FBXO4: variants seen among roughly 807,000 people sequenced by gnomAD.
FBXO4 encodes the protein F-box only protein 4.
In FBXO4, 36 loss-of-function variants were observed where a neutral mutation model predicts 43.7. That is an observed-to-expected ratio of 0.82 (90% CI 0.63 to 1.09). The LOEUF (loss-of-function observed/expected upper bound fraction) is 1.09, where lower values mean the gene tolerates loss of function less well. Ranked by LOEUF, FBXO4 falls within the 50% of genes least tolerant of loss-of-function variation. The pLI is 0.00. For missense variants in FBXO4, 435 were observed against 474.1 expected (o/e 0.92, Z 0.77); for synonymous variants, 180 against 165.6 (o/e 1.09, Z -0.67).
At position 41,929,921 on chromosome 5, in the gene FBXO4, A is replaced by T. The variant is rs774255000; in HGVS notation, c.646+4A>T. 2.5e-6 allele frequency: 4 copies of T among 1,595,154 alleles called. No individual in the cohort carries two copies. The African/African-American group carries it at 5.4e-5, about 21-fold the overall frequency. On this transcript the variant is annotated splice_donor_region_variant and intron_variant, in intron 3 of 6. Transcript: ENST00000281623. ...TTGCCTCAGAGGCAGATTGATGGTA[A>T]TTTTCATGTTAATCTACAGTTAATT...
the FBXO4 span, among the ~76,000 whole-genome samples, chr5:41,966,350 T>C: frequency 6.6e-6 from 1 of 152,110 alleles, no homozygotes; most frequent in East Asian, 1.9e-4. Context: ...CCAAAGAAAC[T>C]ATACAGATAT....
the FBXO4 span, among the ~76,000 whole-genome samples, chr5:41,972,165 G>A: frequency 6.6e-6 from 1 of 152,030 alleles, no homozygotes; most frequent in Non-Finnish European, 1.5e-5. Context: ...CTTTACAGAA[G>A]ATATATAATT....
chr5:41,940,906 AT>A (rs1253204143), intron 6 of FBXO4, among the ~76,000 whole-genome samples: 2 of 152,138 alleles, frequency 1.3e-5, no homozygotes, highest in Non-Finnish European at 2.9e-5. Flanking sequence ...CTTTGGAGGA[AT>A]TTTTTCCCCT....
At chr5:41,974,646 C>A in the FBXO4 span, among the ~76,000 whole-genome samples, 2 of 152,034 alleles carry the variant, frequency 1.3e-5, no homozygotes, top group Non-Finnish European at 2.9e-5. Context: ...GCTGAAATTA[C>A]CTGCCTGATC....
the FBXO4 span, among the ~76,000 whole-genome samples, chr5:42,003,655 G>C: frequency 6.8e-6 from 1 of 148,078 alleles, no homozygotes; most frequent in Non-Finnish European, 1.5e-5. Context: ...TTCTCCTAAT[G>C]CTATCCCTCC....
At chr5:41,985,464 A>T in the FBXO4 span, among the ~76,000 whole-genome samples, 263 of 152,312 alleles carry the variant, frequency 1.7e-3, 2 homozygotes, top group African/African-American at 5.9e-3. Context: ...AGTAGTTTCC[A>T]ATTTACTTCC....
the FBXO4 span, among the ~76,000 whole-genome samples, chr5:42,007,735 AT>A: frequency 6.6e-6 from 1 of 152,176 alleles, no homozygotes; most frequent in Admixed American, 6.6e-5. Context: ...TTCAAGCATT[AT>A]TGCAAAACTA....
chr5:41,999,536 C>CATATATATGTATATATATAT, the FBXO4 span, among the ~76,000 whole-genome samples: 9 of 79,882 alleles, frequency 1.1e-4, no homozygotes, highest in African/African-American at 5.8e-4. Context: ...TATATATATA[C>CATATATATGTATATATATAT]ATATATATGT....
At chr5:41,937,348 T>C (rs371720686) in intron 5 of FBXO4, among the ~76,000 whole-genome samples, 1 of 152,142 alleles carries the variant, frequency 6.6e-6, no homozygotes, top group East Asian at 1.9e-4. Context: ...TGCTGCAGGA[T>C]AGAAACCAAT....
chr5:42,012,005 C>T, the FBXO4 span, among the ~76,000 whole-genome samples: 6 of 152,034 alleles, frequency 3.9e-5, no homozygotes, highest in East Asian at 3.8e-4. Context: ...GCTCCAAATA[C>T]GTTGGTGGGA....
At chr5:41,948,736 T>A in the FBXO4 span, among the ~76,000 whole-genome samples, 1 of 152,240 alleles carries the variant, frequency 6.6e-6, no homozygotes, top group Non-Finnish European at 1.5e-5. Context: ...ATTTTCTAAG[T>A]AGATACAATT....
chr5:42,013,271 C>T, the FBXO4 span, among the ~76,000 whole-genome samples: 1 of 152,038 alleles, frequency 6.6e-6, no homozygotes, highest in East Asian at 1.9e-4. Flanking sequence ...CAGAGTGAGG[C>T]CCCATCTCAA....
chr5:42,020,438 A>T, the FBXO4 span, among the ~76,000 whole-genome samples: 2 of 152,222 alleles, frequency 1.3e-5, no homozygotes, highest in Admixed American at 6.6e-5. Context: ...TCAAGAGGGT[A>T]ACATGATAGA....
the FBXO4 span, among the ~76,000 whole-genome samples, chr5:42,034,657 G>C: frequency 6.6e-6 from 1 of 151,912 alleles, no homozygotes; most frequent in Admixed American, 6.6e-5. Flanking sequence ...CAGGTTTGTC[G>C]AAAATCAGAT....
At chr5:41,950,611 G>T in the FBXO4 span, among the ~76,000 whole-genome samples, 1 of 152,190 alleles carries the variant, frequency 6.6e-6, no homozygotes, top group African/African-American at 2.4e-5. Flanking sequence ...TTACACTGTT[G>T]GTGGGAGTGT....
chr5:42,004,318 GT>G, the FBXO4 span, among the ~76,000 whole-genome samples: 1 of 152,078 alleles, frequency 6.6e-6, no homozygotes, highest in African/African-American at 2.4e-5. Flanking sequence ...CATTAAATTT[GT>G]TGATTTTAAA....
At chr5:41,981,084 T>C in the FBXO4 span, among the ~76,000 whole-genome samples, 1 of 152,136 alleles carries the variant, frequency 6.6e-6, no homozygotes, top group Non-Finnish European at 1.5e-5. Flanking sequence ...AATTTTTATC[T>C]GCTGAGTCAT....
the FBXO4 span, among the ~76,000 whole-genome samples, chr5:42,006,521 C>A: frequency 3.0e-4 from 46 of 151,956 alleles, no homozygotes; most frequent in East Asian, 8.9e-3. Context: ...TAGTATATAG[C>A]AATAAGTAAA....
At chr5:41,999,877 A>C in the FBXO4 span, among the ~76,000 whole-genome samples, 3 of 152,078 alleles carry the variant, frequency 2.0e-5, no homozygotes, top group South Asian at 6.2e-4. Context: ...TCCTTTGGCA[A>C]CACCCTCACA....
Sources: allele counts gnomAD v4.1 joint callset (sites outside exome capture counted in the v4.1 genomes callset), GRCh38; gene constraint gnomAD v4.1.1; transcripts MANE v1.5; gene names NCBI Gene and HGNC (gene_info 2026-07-23, HGNC 2026-07-21).